CLSTN2: variants seen among roughly 807,000 people sequenced by gnomAD.
CLSTN2 encodes the protein calsyntenin-2.
Under a neutral mutation model 101.2 loss-of-function variants are expected in CLSTN2, and 48 were observed. That is an observed-to-expected ratio of 0.47 (90% CI 0.38 to 0.60). The LOEUF (loss-of-function observed/expected upper bound fraction) is 0.60, where lower values mean the gene tolerates loss of function less well. Ranked by LOEUF, CLSTN2 falls within the 20% of genes least tolerant of loss-of-function variation. The probability of loss-of-function intolerance (pLI) is 0.00; values close to 1 mark genes in which losing one functional copy is unlikely to be tolerated. For synonymous variants in CLSTN2, 481 were observed against 463.6 expected (o/e 1.04, Z -0.48); for missense variants, 1,160 against 1,238.2 (o/e 0.94, Z 0.95).
At chr3:140,437,946 C>T (rs2088704795) in intron 5 of CLSTN2, among the ~76,000 whole-genome samples, 1 of 152,000 alleles carries the variant, frequency 6.6e-6, no homozygotes, top group Admixed American at 6.6e-5. Context: ...CGTATTTATT[C>T]CCCCACATCA....
At chr3:140,368,146 G>C (rs1048549286) in intron 2 of CLSTN2, among the ~76,000 whole-genome samples, 1 of 152,204 alleles carries the variant, frequency 6.6e-6, no homozygotes, top group South Asian at 2.1e-4. Context: ...GCCTAAGTTA[G>C]CCTGAGGATG....
chr3:140,353,506 T>C (rs1176469316), intron 2 of CLSTN2, among the ~76,000 whole-genome samples: 1 of 152,118 alleles, frequency 6.6e-6, no homozygotes, highest in East Asian at 1.9e-4. Flanking sequence ...CCCACCAGAT[T>C]AAGGGGTGGG....
chr3:140,052,933 G>A (rs371598800), intron 1 of CLSTN2, among the ~76,000 whole-genome samples: 1 of 152,178 alleles, frequency 6.6e-6, no homozygotes, highest in East Asian at 1.9e-4. Flanking sequence ...GCAGCACATT[G>A]TTTCTCCCCC....
chr3:140,214,996 T>C (rs2010903234), intron 2 of CLSTN2, among the ~76,000 whole-genome samples: 1 of 152,226 alleles, frequency 6.6e-6, no homozygotes, highest in Non-Finnish European at 1.5e-5. Flanking sequence ...CATTATAATG[T>C]AAATCTAGGG....
chr3:140,204,861 G>C (rs9867592), intron 2 of CLSTN2, among the ~76,000 whole-genome samples: 46,118 of 152,032 alleles, frequency 0.3, 7,506 homozygotes, highest in Middle Eastern at 0.38. Context: ...TGTCTGTCCC[G>C]CTGTCCCCCA....
chr3:140,028,858 C>T (rs906871511), intron 1 of CLSTN2, among the ~76,000 whole-genome samples: 6 of 152,106 alleles, frequency 3.9e-5, no homozygotes, highest in African/African-American at 1.2e-4. Flanking sequence ...GGTGTGTGAC[C>T]GCTTCACTTT....
chr3:140,572,655 T>G lies in CLSTN2; in HGVS notation c.*6402T>G, dbSNP rs2107799338. On this transcript the variant is annotated 3_prime_UTR_variant, in exon 17 of 17. Transcript: ENST00000458420. ...GCATCACCTGGGAACATGTGAGAAG[T>G]GCATATTCTTGGGCCCCACCCCAGA... is the stretch of plus-strand genomic sequence containing the variant. The G allele has an allele frequency of 6.6e-6, 1 of 152,240 alleles. No individual in the cohort carries two copies. The highest frequency in any genetic ancestry group is 2.1e-4 in the South Asian group (1 of 4,818). The allele number at this position is 152,240 out of a possible 1,614,324, so 9.4% of individuals were successfully genotyped here.
intron 1 of CLSTN2, among the ~76,000 whole-genome samples, chr3:140,173,408 A>C (rs982052359): frequency 6.6e-6 from 1 of 152,176 alleles, no homozygotes; most frequent in South Asian, 2.1e-4. Flanking sequence ...AGCTGCTTTC[A>C]TGGGCTGATG....
At chr3:140,019,452 C>T (rs1329976175) in intron 1 of CLSTN2, among the ~76,000 whole-genome samples, 1 of 152,166 alleles carries the variant, frequency 6.6e-6, no homozygotes, top group Non-Finnish European at 1.5e-5. Context: ...CCATAATCAC[C>T]TGTTTCCTAA....
intron 5 of CLSTN2, among the ~76,000 whole-genome samples, chr3:140,428,172 T>C (rs1356145194): frequency 6.6e-6 from 1 of 152,200 alleles, no homozygotes; most frequent in South Asian, 2.1e-4. Context: ...TGTTTGTTTG[T>C]TTAGTTTTTA....
At chr3:140,165,534 G>A (rs2010121989) in intron 1 of CLSTN2, among the ~76,000 whole-genome samples, 1 of 152,154 alleles carries the variant, frequency 6.6e-6, no homozygotes, top group Non-Finnish European at 1.5e-5. Flanking sequence ...AGGGTGACGG[G>A]AGAACAGGAG....
intron 2 of CLSTN2, among the ~76,000 whole-genome samples, chr3:140,201,850 A>G (rs1352539074): frequency 6.6e-6 from 1 of 152,076 alleles, no homozygotes; most frequent in African/African-American, 2.4e-5. Context: ...ATAATGATAT[A>G]TAATAAGTTA....
chr3:140,354,426 C>T (rs561959880), intron 2 of CLSTN2, among the ~76,000 whole-genome samples: 5 of 152,280 alleles, frequency 3.3e-5, no homozygotes, highest in Admixed American at 2.6e-4. Flanking sequence ...TTCACACTGC[C>T]GTCTTCTCAT....
intron 6 of CLSTN2, among the ~76,000 whole-genome samples, chr3:140,455,572 C>G (rs981783602): frequency 6.6e-6 from 1 of 152,190 alleles, no homozygotes; most frequent in East Asian, 1.9e-4. Flanking sequence ...AGTCCCCCAG[C>G]ACTCAAGCTG....
At chr3:140,151,198 G>T (rs562528999) in intron 1 of CLSTN2, among the ~76,000 whole-genome samples, 2 of 152,160 alleles carry the variant, frequency 1.3e-5, no homozygotes, top group Admixed American at 1.3e-4. Context: ...ACAGCTTCAG[G>T]AAGGTTTGCT....
chr3:140,382,944 T>TG (rs2088002802), intron 2 of CLSTN2, among the ~76,000 whole-genome samples: 2 of 28,624 alleles, frequency 7.0e-5, no homozygotes, highest in African/African-American at 1.5e-4. Flanking sequence ...ACATATGAAT[T>TG]GGGTGGGGGT....
chr3:140,165,176 G>T (rs906540583), intron 1 of CLSTN2, among the ~76,000 whole-genome samples: 1 of 152,082 alleles, frequency 6.6e-6, no homozygotes, highest in Non-Finnish European at 1.5e-5. Flanking sequence ...CTCTCTAATT[G>T]GTACCTCTAG....
intron 10 of CLSTN2, among the ~76,000 whole-genome samples, chr3:140,553,561 A>G (rs183179921): frequency 3.9e-5 from 6 of 152,318 alleles, no homozygotes; most frequent in African/African-American, 1.4e-4. Flanking sequence ...AAGCTGTTAC[A>G]GTAACATATG....
chr3:140,262,934 G>A (rs1427970352), intron 2 of CLSTN2, among the ~76,000 whole-genome samples: 2 of 152,110 alleles, frequency 1.3e-5, no homozygotes, highest in African/African-American at 2.4e-5. Flanking sequence ...GGAAACACAA[G>A]GAGGACAGTG....
Sources: gnomAD v4.1 joint callset for allele counts (sites outside exome capture counted in the v4.1 genomes callset) on GRCh38, gnomAD v4.1.1 for gene constraint, MANE v1.5 for transcripts, NCBI Gene and HGNC (gene_info 2026-07-23, HGNC 2026-07-21) for gene names.